The following JMJD1C variants were observed in gnomAD, a reference collection of about 807,000 sequenced individuals.
JMJD1C encodes the protein jumonji domain containing 1C.
Under a neutral mutation model 245.3 loss-of-function variants are expected in JMJD1C, and 31 were observed. The ratio of observed to expected loss-of-function variants is 0.13; its 90% CI spans 0.09 to 0.17. The LOEUF (loss-of-function observed/expected upper bound fraction) is 0.17, where lower values mean the gene tolerates loss of function less well. Among genes scored for constraint, JMJD1C ranks in the 10% least tolerant of loss-of-function variants. The pLI is 1.00. For synonymous variants in JMJD1C, 1,057 were observed against 1,017.4 expected, an observed-to-expected ratio of 1.04 and a Z score of -0.74; for missense variants, 2,691 against 3,000.2, an observed-to-expected ratio of 0.90 and a Z score of 2.41.
intron 2 of JMJD1C, among the ~76,000 whole-genome samples, chr10:63,297,667 T>A (rs183639061): frequency 1.2e-4 from 19 of 152,100 alleles, no homozygotes; most frequent in African/African-American, 4.6e-4. Flanking sequence ...AGAGCTTCCG[T>A]AACACTACAG....
chr10:63,333,899 T>C (rs937851069), intron 2 of JMJD1C, among the ~76,000 whole-genome samples: 2 of 152,168 alleles, frequency 1.3e-5, no homozygotes, highest in African/African-American at 4.8e-5. Flanking sequence ...CAGCAAAATA[T>C]CTGTATCTAT....
Position 63,193,456 on chromosome 10 carries a change from T to C in JMJD1C, c.5751A>G (p.Leu1917=). The change falls in exon 15 of 26, where the codon CTA becomes CTG. Residue 1917 remains leucine (L), a synonymous_variant. Transcript: ENST00000399262. ...IIPGSVLTDL[L]DAMHTLREKY... ...TTTCCCTAAGAGTGTGCATGGCATC[T>C]AGAAGATCTGTCAAAACTACAAAAT... The C allele has an allele frequency of 6.3e-7, 1 of 1,589,284 alleles. No individual in the cohort carries two copies. Among genetic ancestry groups the C allele is most frequent in the Non-Finnish European group, 8.6e-7 (1 of 1,165,408 alleles).
At chr10:63,172,830 G>A (rs2132762545) in intron 24 of JMJD1C, among the ~76,000 whole-genome samples, 1 of 149,710 alleles carries the variant, frequency 6.7e-6, no homozygotes, top group Admixed American at 6.7e-5. Flanking sequence ...GGGGAGGGGG[G>A]AAACATACTT....
At chr10:63,294,762 A>G (rs1589409111) in intron 2 of JMJD1C, among the ~76,000 whole-genome samples, 1 of 152,278 alleles carries the variant, frequency 6.6e-6, no homozygotes, top group East Asian at 1.9e-4. Context: ...TCTCCACAAA[A>G]CTTTGGAGTT....
intron 2 of JMJD1C, among the ~76,000 whole-genome samples, chr10:63,350,742 G>C (rs1269307311): frequency 6.6e-6 from 1 of 151,300 alleles, no homozygotes; most frequent in Admixed American, 6.6e-5. Context: ...TCAGCCTCCT[G>C]AGTAGCTAGG....
At chr10:63,234,097 TA>T (rs1304144931) in intron 3 of JMJD1C, among the ~76,000 whole-genome samples, 1 of 152,026 alleles carries the variant, frequency 6.6e-6, no homozygotes, top group East Asian at 1.9e-4. Context: ...GATAACAGAG[TA>T]AAATGAAAAT....
intron 2 of JMJD1C, among the ~76,000 whole-genome samples, chr10:63,300,039 A>T (rs1188510302): frequency 1.3e-5 from 2 of 152,180 alleles, no homozygotes; most frequent in Non-Finnish European, 2.9e-5. Context: ...AGAACTGCTG[A>T]TGATCTGTGT....
intron 2 of JMJD1C, among the ~76,000 whole-genome samples, chr10:63,313,220 T>A (rs1388526401): frequency 2.6e-5 from 4 of 152,210 alleles, no homozygotes; most frequent in Non-Finnish European, 4.4e-5. Flanking sequence ...ATTCCTGAGT[T>A]ACTTCACTTA....
Position 63,176,479 on chromosome 10 carries a change from A to G in JMJD1C, c.7225-6T>C. 1 of 1,607,504 alleles carries G rather than the reference A, an allele frequency of 6.2e-7. No individual in the cohort carries two copies. Among genetic ancestry groups the G allele is most frequent in the Non-Finnish European group, 8.5e-7 (1 of 1,175,176 alleles). On this transcript the variant is annotated splice_polypyrimidine_tract_variant and splice_region_variant and intron_variant, in intron 23 of 25. Coordinates refer to ENST00000399262, the MANE Select transcript of JMJD1C (RefSeq NM_032776.3). The stretch of plus-strand genomic sequence containing the variant: ...AGGCCTTGTTCTTTTGAAATCTGAA[A>G]TATGAATTAAAATAGACACTCCAAT...
chr10:63,247,719 CAAAA>C (rs71025135), intron 3 of JMJD1C, among the ~76,000 whole-genome samples: 4 of 105,472 alleles, frequency 3.8e-5, no homozygotes, highest in Admixed American at 1.2e-4. Flanking sequence ...GTGACAGAGC[CAAAA>C]AAAAAAAAAA....
chr10:63,358,768 C>G (rs550218549), intron 2 of JMJD1C: 2 of 152,784 alleles, frequency 1.3e-5, no homozygotes, highest in Non-Finnish European at 2.9e-5. Flanking sequence ...CCTCCATAAC[C>G]CAGGGGCTGT....
At chr10:63,357,852 C>CGA (rs1245082361) in intron 2 of JMJD1C, among the ~76,000 whole-genome samples, 2 of 148,870 alleles carry the variant, frequency 1.3e-5, no homozygotes, top group African/African-American at 5.1e-5. Flanking sequence ...CACACACACA[C>CGA]ACACACACAC....
intron 21 of JMJD1C, among the ~76,000 whole-genome samples, chr10:63,184,222 C>G (rs547124765): frequency 6.6e-6 from 1 of 150,530 alleles, no homozygotes; most frequent in Non-Finnish European, 1.5e-5. Context: ...GGCCACCACG[C>G]CCATCCTTGA....
rs1205470057 is a variant in JMJD1C, at chr10:63,208,872, A to G, written c.2868-71T>C. On this transcript the variant is annotated intron_variant, in intron 9 of 25. Coordinates refer to ENST00000399262, the MANE Select transcript of JMJD1C (RefSeq NM_032776.3). ...AAAATACAAAGACAGCTTCTATGCA[A>G]TATCATTCTATTATGAAAGTAAAAG... 35 of 1,229,654 alleles carry G rather than the reference A, an allele frequency of 2.8e-5. No homozygotes were observed. The Admixed American group carries it at 7.7e-4, about 27-fold the overall frequency. 76.2% of individuals were successfully genotyped at this position (1,229,654 alleles called of 1,614,324 possible). A position where few individuals can be genotyped will look rare whatever the true frequency, so the allele number is the denominator to read the frequency against.
intron 2 of JMJD1C, among the ~76,000 whole-genome samples, chr10:63,291,057 A>G (rs1858616273): frequency 5.3e-5 from 8 of 152,120 alleles, no homozygotes; most frequent in Admixed American, 4.6e-4. Flanking sequence ...TTCTAATCCC[A>G]GCACTTTGAG....
In JMJD1C at chr10:63,186,297, T is replaced by C. The variant is rs766553906; in HGVS notation, c.6657A>G (p.Gln2219=). The part of the protein sequence containing the change: ...ESISLDFGDH[Q]ADLLNCKDSI... ...TATCTTTGCAGTTCAGGAGATCAGC[T>C]TGGTGGTCTCCAAAATCAAGACTAA... Residue 2219 remains glutamine (Q), a synonymous_variant, in exon 19 of 26, where the codon CAA becomes CAG. Transcript: ENST00000399262. The C allele has an allele frequency of 3.7e-6, 6 of 1,612,392 alleles. No individual in the cohort carries two copies. The highest frequency in any genetic ancestry group is 2.2e-5 in the East Asian group (1 of 44,870).
intron 2 of JMJD1C, among the ~76,000 whole-genome samples, chr10:63,312,493 A>C (rs1430264628): frequency 1.2e-4 from 19 of 152,232 alleles, no homozygotes. Context: ...ATATGGAGTT[A>C]ACCTAATAAT....
At chr10:63,189,489 G>A in intron 17 of JMJD1C, 43 bp from the exon 18 acceptor site, 2 of 1,515,554 alleles carry the variant, frequency 1.3e-6, no homozygotes, top group Non-Finnish European at 1.8e-6. Flanking sequence ...GTTTTTGAGA[G>A]AAATCAAATA....
intron 1 of JMJD1C, among the ~76,000 whole-genome samples, chr10:63,516,841 G>C (rs1333150632): frequency 6.6e-6 from 1 of 152,054 alleles, no homozygotes; most frequent in Non-Finnish European, 1.5e-5. Flanking sequence ...TTATTCTATT[G>C]CTATCTGATC....
Sources: gnomAD v4.1 joint callset for allele counts (sites outside exome capture counted in the v4.1 genomes callset) on GRCh38, gnomAD v4.1.1 for gene constraint, MANE v1.5 for transcripts, NCBI Gene and HGNC (gene_info 2026-07-23, HGNC 2026-07-21) for gene names.